LOXL2: variants seen among roughly 807,000 people sequenced by gnomAD.
The protein encoded by LOXL2 is lysyl oxidase homolog 2.
In LOXL2, 70 loss-of-function variants were observed where a neutral mutation model predicts 93.0. That is an observed-to-expected ratio of 0.75 (90% confidence interval 0.62 to 0.92). The LOEUF is 0.92. LOXL2 is among the 40% of genes least tolerant of loss of function. LOXL2 has a pLI of 0.00. For missense variants in LOXL2, 973 were observed against 1,054.9 expected, an observed-to-expected ratio of 0.92 and a Z score of 1.08; for synonymous variants, 438 against 413.2, an observed-to-expected ratio of 1.06 and a Z score of -0.73.
chr8:23,354,950 T>TATA lies in LOXL2; in HGVS notation c.531+5139_531+5140insTAT, dbSNP rs1491334754. Among the ~76,000 whole-genome samples, 165 of 17,936 alleles carry TATA rather than the reference T, an allele frequency of 9.2e-3. 5 individuals carry two copies. Among genetic ancestry groups the TATA allele is most frequent in the East Asian group, 0.078 (19 of 244 alleles). 11.8% of individuals were successfully genotyped at this position (17,936 alleles called of 152,430 possible). A position where few individuals can be genotyped will look rare whatever the true frequency, so the allele number is the denominator to read the frequency against. The stretch of plus-strand genomic sequence containing the variant: ...GAGTTGGAATATATATATATATATA[T>TATA]TTTTTTTTTTTTTTTTTTTTTTTTT... On this transcript the variant is annotated intron_variant, in intron 3 of 13. Transcript: ENST00000389131.
intron 1 of LOXL2, among the ~76,000 whole-genome samples, chr8:23,403,361 A>C (rs572920558): frequency 6.6e-6 from 1 of 151,952 alleles, no homozygotes; most frequent in African/African-American, 2.4e-5. Flanking sequence ...CTCCCGCAGG[A>C]CTCACGGCGC....
chr8:23,298,911 C>G lies in LOXL2; in HGVS notation c.2170G>C (p.Asp724His). ...INPNFEVAES[D>H]YSNNIMKCRS... ...CATTTCATGATGTTGTTGGAGTAAT[C>G]GGATTCTGCAACCTCGAAGTTGGGG... Residue 724 changes from aspartate to histidine, a missense_variant, in exon 13 of 14, where the codon GAT (aspartate) becomes CAT (histidine). Asp to His is a moderately conservative substitution (Grantham distance 81, BLOSUM62 -1). Coordinates refer to ENST00000389131, the MANE Select transcript of LOXL2 (RefSeq NM_002318.3). 6.2e-7 allele frequency: 1 copy of G among 1,613,766 alleles called. No homozygotes were observed. The highest frequency in any genetic ancestry group is 8.5e-7 in the Non-Finnish European group (1 of 1,179,736).
intron 1 of LOXL2, among the ~76,000 whole-genome samples, chr8:23,372,183 C>T (rs1260284995): frequency 2.0e-5 from 3 of 151,278 alleles, no homozygotes; most frequent in African/African-American, 7.3e-5. Context: ...ATCATCAGAA[C>T]GAATATAACA....
chr8:23,359,420 C>T (rs1244280692), intron 3 of LOXL2, among the ~76,000 whole-genome samples: 1 of 152,166 alleles, frequency 6.6e-6, no homozygotes, highest in African/African-American at 2.4e-5. Context: ...AGACAACCAC[C>T]ATGTCCTGAG....
chr8:23,322,941 G>A (rs1040359664), intron 6 of LOXL2, among the ~76,000 whole-genome samples: 3 of 152,220 alleles, frequency 2.0e-5, no homozygotes, highest in African/African-American at 4.8e-5. Flanking sequence ...CTTGTGATAT[G>A]ACATGGTCAG....
chr8:23,342,501 G>A (rs1229896225), intron 3 of LOXL2, among the ~76,000 whole-genome samples: 2,660 of 149,720 alleles, frequency 0.018, 91 homozygotes, highest in East Asian at 0.12. Flanking sequence ...GCGCGATCTC[G>A]GCTCACTGCA....
chr8:23,375,648 A>G (rs568825332), intron 1 of LOXL2, among the ~76,000 whole-genome samples: 36 of 152,240 alleles, frequency 2.4e-4, no homozygotes, highest in Non-Finnish European at 4.9e-4. Context: ...GTTCTCCTTG[A>G]AGAGGTCCTT....
At chr8:23,302,759 C>A (rs913747171) in intron 11 of LOXL2, among the ~76,000 whole-genome samples, 2 of 152,194 alleles carry the variant, frequency 1.3e-5, no homozygotes, top group East Asian at 3.9e-4. Context: ...CCATGAAGAG[C>A]CCCCAGGGCT....
chr8:23,321,953 G>T, intron 7 of LOXL2, 177 bp downstream of exon 7: 2 of 662,764 alleles, frequency 3.0e-6, no homozygotes, highest in South Asian at 3.8e-5. Flanking sequence ...GCCTGCTGCC[G>T]GGCCAGGGCC....
At chr8:23,392,572 A>AT (rs1367473390) in intron 1 of LOXL2, among the ~76,000 whole-genome samples, 6 of 152,118 alleles carry the variant, frequency 3.9e-5, no homozygotes, top group African/African-American at 1.4e-4. Flanking sequence ...GTCTTACTCC[A>AT]TCTCCAGACT....
chr8:23,349,156 C>T (rs916878728), intron 3 of LOXL2, among the ~76,000 whole-genome samples: 4 of 152,170 alleles, frequency 2.6e-5, no homozygotes, highest in Non-Finnish European at 5.9e-5. Context: ...TCCCAATTCC[C>T]AGTCAGCTGT....
intron 3 of LOXL2, among the ~76,000 whole-genome samples, chr8:23,350,632 C>T (rs1804076612): frequency 6.6e-6 from 1 of 152,152 alleles, no homozygotes; most frequent in Non-Finnish European, 1.5e-5. Context: ...AAGAAAGTGA[C>T]AGAGGAAAGG....
At chr8:23,384,538 C>T (rs1317584501) in intron 1 of LOXL2, among the ~76,000 whole-genome samples, 1 of 152,134 alleles carries the variant, frequency 6.6e-6, no homozygotes, top group Non-Finnish European at 1.5e-5. Flanking sequence ...TCAGGAGGCT[C>T]GAGGAGTTGG....
intron 3 of LOXL2, among the ~76,000 whole-genome samples, chr8:23,358,457 C>G (rs372820982): frequency 6.6e-6 from 1 of 152,350 alleles, no homozygotes; most frequent in African/African-American, 2.4e-5. Context: ...TTCAAGTCAC[C>G]TTTCTTCTGC....
Position 23,364,364 on chromosome 8 carries a change from A to T in LOXL2, c.355+3633T>A, listed in dbSNP as rs1316181646. ...TGACAGTCAAACTTTGGACACAAGA[A>T]AGCCATTCAATCAGAAGCCAAATTT... On this transcript the variant is annotated intron_variant, in intron 2 of 13. Coordinates refer to ENST00000389131, the MANE Select transcript of LOXL2 (RefSeq NM_002318.3). 2.6e-5 allele frequency: 4 copies of T among 152,254 alleles called. No individual in the cohort carries two copies. In the East Asian group the frequency reaches 7.7e-4, roughly 29 times the overall value. 9.4% of individuals were successfully genotyped at this position (152,254 alleles called of 1,614,324 possible).
intron 1 of LOXL2, among the ~76,000 whole-genome samples, chr8:23,388,978 A>G (rs1416807497): frequency 6.6e-6 from 1 of 152,138 alleles, no homozygotes; most frequent in Non-Finnish European, 1.5e-5. Context: ...ACAATTGTCC[A>G]ACAAGCATCA....
At chr8:23,313,900 GA>G (rs1173164311) in intron 9 of LOXL2, among the ~76,000 whole-genome samples, 63 of 147,896 alleles carry the variant, frequency 4.3e-4, no homozygotes, top group African/African-American at 1.6e-3. Flanking sequence ...CTACTCATCT[GA>G]CAAAGGGCTA....
At chr8:23,392,797 G>A (rs758431716) in intron 1 of LOXL2, among the ~76,000 whole-genome samples, 3 of 152,078 alleles carry the variant, frequency 2.0e-5, no homozygotes, top group Non-Finnish European at 4.4e-5. Flanking sequence ...ATCGACTCAC[G>A]TGTGTGTATA....
chr8:23,360,327 G>A, intron 2 of LOXL2, 62 bp from the exon 3 acceptor site: 1 of 1,277,378 alleles, frequency 7.8e-7, no homozygotes, highest in Middle Eastern at 2.4e-4. Context: ...AGTCTTTGCG[G>A]GGCACCAGTG....
Sources: gnomAD v4.1 joint callset for allele counts (sites outside exome capture counted in the v4.1 genomes callset) on GRCh38, gnomAD v4.1.1 for gene constraint, MANE v1.5 for transcripts, NCBI Gene and HGNC (gene_info 2026-07-23, HGNC 2026-07-21) for gene names.